The following ALKBH5 variants were observed in gnomAD, a reference collection of about 807,000 sequenced individuals.
ALKBH5 encodes the protein RNA demethylase ALKBH5.
ALKBH5 carries 2 observed loss-of-function variants against 32.1 expected under a neutral mutation model. The ratio of observed to expected loss-of-function variants is 0.06; its 90% CI spans 0.03 to 0.20. ALKBH5 has a LOEUF of 0.20. ALKBH5 is among the 10% of genes least tolerant of loss of function. The pLI is 1.00. For missense variants in ALKBH5, 352 were observed against 559.5 expected, an observed-to-expected ratio of 0.63 and a Z score of 3.74; for synonymous variants, 300 against 231.7, an observed-to-expected ratio of 1.29 and a Z score of -2.68.
intron 1 of ALKBH5, among the ~76,000 whole-genome samples, chr17:18,192,461 T>A (rs1250112923): frequency 6.6e-6 from 1 of 152,232 alleles, no homozygotes; most frequent in Non-Finnish European, 1.5e-5. Context: ...TAAAATCTTG[T>A]AATATTAGTA....
intron 1 of ALKBH5, among the ~76,000 whole-genome samples, chr17:18,192,114 G>T (rs1432898804): frequency 1.3e-5 from 2 of 152,178 alleles, no homozygotes; most frequent in East Asian, 3.9e-4. Context: ...GGGCCCAGGC[G>T]GCCCCCACTA....
rs758212755 is a variant in ALKBH5, at chr17:18,185,008, G to A, written c.765G>A (p.Val255=). ...SLPVRRGSVT[V]LSGYAADEIT... is the part of the protein sequence containing the mutation. ...CGGTGCGCAGGGGAAGCGTGACTGTGCTCAGGTAACCCACCCGGGTGGAGG... is the reference window on the plus strand; with the variant it reads ...CGGTGCGCAGGGGAAGCGTGACTGTACTCAGGTAACCCACCCGGGTGGAGG... The change falls in exon 1 of 4, where the codon GTG becomes GTA. Residue 255 remains valine, a synonymous_variant. Transcript: ENST00000399138. 3 of 1,606,748 alleles carry A rather than the reference G, an allele frequency of 1.9e-6. No individual in the cohort carries two copies. Among genetic ancestry groups the A allele is most frequent in the Admixed American group, 1.7e-5 (1 of 59,992 alleles).
chr17:18,208,030 A>T (rs9913262), intron 3 of ALKBH5, among the ~76,000 whole-genome samples, 189 bp from the exon 4 acceptor site: 34,364 of 152,174 alleles, frequency 0.23, 4,338 homozygotes, highest in South Asian at 0.42. Context: ...GAAATGTCCC[A>T]AAGACTGGGA....
intron 1 of ALKBH5, among the ~76,000 whole-genome samples, chr17:18,185,973 C>T (rs2047136882): frequency 6.6e-6 from 1 of 152,214 alleles, no homozygotes; most frequent in African/African-American, 2.4e-5. Context: ...CCACCAAATA[C>T]AAGGTTGAGG....
intron 2 of ALKBH5, among the ~76,000 whole-genome samples, chr17:18,202,849 G>T (rs572965305): frequency 3.3e-5 from 5 of 152,114 alleles, no homozygotes; most frequent in Admixed American, 3.3e-4. Context: ...GCTGAGGCAG[G>T]CGGATCATGA....
chr17:18,186,839 C>G (rs1597835734), intron 1 of ALKBH5, among the ~76,000 whole-genome samples: 1 of 152,156 alleles, frequency 6.6e-6, no homozygotes, highest in Non-Finnish European at 1.5e-5. Flanking sequence ...GCTTTTCTCT[C>G]ATTTGCTTTG....
Position 18,184,330 on chromosome 17 carries a change from GGCCGCCGCC to G in ALKBH5, c.90_98del (p.Ala35_Ala37del), listed in dbSNP as rs1355794523. ...ACAACTATAAGGCGGGCAGCCGGGAGGCCGCCGCCGCTGCCGCAGCCGCCGTAGCCGCCG... is the reference window on the plus strand; with the variant it reads ...ACAACTATAAGGCGGGCAGCCGGGAGGCTGCCGCAGCCGCCGTAGCCGCCG... On this transcript the variant is annotated inframe_deletion, in exon 1 of 4. Transcript: ENST00000399138. 5 of 1,511,982 alleles carry G rather than the reference GGCCGCCGCC, an allele frequency of 3.3e-6. No homozygotes were observed. Among genetic ancestry groups the G allele is most frequent in the East Asian group, 5.2e-5 (2 of 38,750 alleles). The allele number at this position is 1,511,982 out of a possible 1,614,324, so 93.7% of individuals were successfully genotyped here.
chr17:18,201,786 G>GATAGATAGGTAGGTA, intron 2 of ALKBH5, among the ~76,000 whole-genome samples: 1 of 84,410 alleles, frequency 1.2e-5, no homozygotes, highest in South Asian at 3.5e-4. Flanking sequence ...TAGATAGATA[G>GATAGATAGGTAGGTA]GATAGATAAG....
Position 18,184,366 on chromosome 17 carries a change from A to C in ALKBH5, c.123A>C (p.Ala41=). Residue 41 remains alanine (A), a synonymous_variant, in exon 1 of 4, where the codon GCA becomes GCC. Transcript: ENST00000399138. Reference sequence around the variant, plus strand: ...CTGCCGCAGCCGCCGTAGCCGCCGCAGCCGCAGCCGCCGCTGCCGCCGAAC... The same window carrying C: ...CTGCCGCAGCCGCCGTAGCCGCCGCCGCCGCAGCCGCCGCTGCCGCCGAAC... ...AAAAAAAVAA[A]AAAAAAAEPY... is the part of the protein sequence containing the mutation. 6.6e-7 allele frequency: 1 copy of C among 1,516,206 alleles called. No homozygotes were observed. Among genetic ancestry groups the C allele is most frequent in the East Asian group, 2.6e-5 (1 of 38,840 alleles). 93.9% of individuals were successfully genotyped at this position (1,516,206 alleles called of 1,614,324 possible). A position where few individuals can be genotyped will look rare whatever the true frequency, so the allele number is the denominator to read the frequency against.
chr17:18,192,863 T>C (rs994214470), intron 1 of ALKBH5, among the ~76,000 whole-genome samples: 12 of 85,262 alleles, frequency 1.4e-4, no homozygotes, highest in Non-Finnish European at 2.8e-4. Flanking sequence ...TCTTTTTTTT[T>C]TTTTTTTTTT....
chr17:18,192,379 G>A (rs1323331322), intron 1 of ALKBH5, among the ~76,000 whole-genome samples: 1 of 152,032 alleles, frequency 6.6e-6, no homozygotes, highest in Non-Finnish European at 1.5e-5. Flanking sequence ...CTGGAAGGGA[G>A]GAGGCCCCGT....
At chr17:18,205,402 C>T (rs2047263895) in intron 2 of ALKBH5, among the ~76,000 whole-genome samples, 1 of 152,230 alleles carries the variant, frequency 6.6e-6, no homozygotes, top group African/African-American at 2.4e-5. Context: ...TGGCATCCCC[C>T]TCTGCAAGGC....
At chr17:18,191,686 G>A (rs565519179) in intron 1 of ALKBH5, among the ~76,000 whole-genome samples, 2 of 152,220 alleles carry the variant, frequency 1.3e-5, no homozygotes, top group East Asian at 3.9e-4. Context: ...ACGTGCCTCT[G>A]GGGCCGAGCA....
Position 18,184,310 on chromosome 17 carries a change from T to C in ALKBH5, c.67T>C (p.Tyr23His), listed in dbSNP as rs1288843691. The C allele has an allele frequency of 1.3e-6, 2 of 1,521,304 alleles. No homozygotes were observed. Among genetic ancestry groups the C allele is most frequent in the East Asian group, 2.6e-5 (1 of 38,816 alleles). The allele number at this position is 1,521,304 out of a possible 1,614,324, so 94.2% of individuals were successfully genotyped here. Reference sequence around the variant, plus strand: ...CAAGTCCATGACGTCCCGGGACAACTATAAGGCGGGCAGCCGGGAGGCCGC... The same window carrying C: ...CAAGTCCATGACGTCCCGGGACAACCATAAGGCGGGCAGCCGGGAGGCCGC... Reference protein sequence around the residue: ...KLKSMTSRDNYKAGSREAAAA... With the variant: ...KLKSMTSRDNHKAGSREAAAA... Residue 23 changes from tyrosine (Y) to histidine (H), a missense_variant, in exon 1 of 4, where the codon TAT becomes CAT. Physicochemically the swap from Tyr to His is moderately conservative, Grantham distance 83. Coordinates refer to ENST00000399138, the MANE Select transcript of ALKBH5 (RefSeq NM_017758.4).
chr17:18,208,368 C>T lies in ALKBH5; in HGVS notation c.1157C>T (p.Ala386Val), dbSNP rs1304956863. ...TGCTCTGAGGCAGCAGGCAGCCCTG[C>T]CCGAAAGGTGAAGATGCGGCGGCAC... ...EDCSEAAGSP[A>V]RKVKMRRH is the part of the protein sequence containing the mutation. Residue 386 changes from alanine (A) to valine (V), a missense_variant, in exon 4 of 4, where the codon GCC becomes GTC. By Grantham distance (64) the Ala-to-Val change is moderately conservative. Coordinates refer to ENST00000399138, the MANE Select transcript of ALKBH5 (RefSeq NM_017758.4). The T allele has an allele frequency of 1.2e-6, 2 of 1,613,360 alleles. No homozygotes were observed. The highest frequency in any genetic ancestry group is 2.2e-5 in the South Asian group (2 of 91,050).
At chr17:18,199,719 T>C (rs2047225463) in intron 2 of ALKBH5, among the ~76,000 whole-genome samples, 1 of 152,094 alleles carries the variant, frequency 6.6e-6, no homozygotes. Flanking sequence ...TCACATGTAA[T>C]AAGTTTGCAC....
chr17:18,208,304 G>A lies in ALKBH5; in HGVS notation c.1093G>A (p.Glu365Lys), dbSNP rs762193110. 6.2e-6 allele frequency: 10 copies of A among 1,614,040 alleles called. No homozygotes were observed. In the Admixed American group the frequency reaches 8.3e-5, roughly 13 times the overall value. Reference sequence around the variant, plus strand: ...CCGGCGGAGGGGTAGCTTCAGCTCTGAGAACTACTGGCGCAAGTCATACGA... The same window carrying A: ...CCGGCGGAGGGGTAGCTTCAGCTCTAAGAACTACTGGCGCAAGTCATACGA... ...THRRRGSFSS[E>K]NYWRKSYESS... The change falls in exon 4 of 4, where the codon GAG (glutamate) becomes AAG (lysine). Residue 365 changes from glutamate to lysine, a missense_variant. By Grantham distance (56) the Glu-to-Lys change is moderately conservative (BLOSUM62 1). Coordinates refer to ENST00000399138, the MANE Select transcript of ALKBH5 (RefSeq NM_017758.4).
At chr17:18,200,596 C>T (rs1266618561) in intron 2 of ALKBH5, among the ~76,000 whole-genome samples, 1 of 152,084 alleles carries the variant, frequency 6.6e-6, no homozygotes, top group Non-Finnish European at 1.5e-5. Flanking sequence ...TGCTAGTACC[C>T]GGAATGGGGT....
intron 1 of ALKBH5, among the ~76,000 whole-genome samples, chr17:18,191,611 T>G (rs556563086): frequency 4.1e-4 from 63 of 152,236 alleles, no homozygotes; most frequent in African/African-American, 1.5e-3. Flanking sequence ...TCAAACAGAT[T>G]GATAACACTT....
Sources: gnomAD v4.1 joint callset for allele counts (sites outside exome capture counted in the v4.1 genomes callset) on GRCh38, gnomAD v4.1.1 for gene constraint, MANE v1.5 for transcripts, NCBI Gene and HGNC (gene_info 2026-07-23, HGNC 2026-07-21) for gene names.